KCNMA1: variants seen among roughly 807,000 people sequenced by gnomAD.
The protein encoded by KCNMA1 is potassium calcium-activated channel subfamily M alpha 1, also known as Calcium-activated potassium channel subunit alpha-1.
A neutral mutation model predicts 140.0 loss-of-function variants in KCNMA1; 29 were observed. That is an observed-to-expected ratio of 0.21 (90% CI 0.15 to 0.28). The LOEUF is 0.28. Ranked by LOEUF, KCNMA1 falls within the 10% of genes least tolerant of loss-of-function variation. The pLI is 1.00. For missense variants in KCNMA1, 880 were observed against 1,602.2 expected (o/e 0.55, Z 7.70); for synonymous variants, 612 against 611.9 (o/e 1.00, Z 0.00).
intron 5 of KCNMA1, among the ~76,000 whole-genome samples, chr10:77,156,187 C>T (rs963514460): frequency 6.9e-6 from 1 of 145,166 alleles, no homozygotes; most frequent in Non-Finnish European, 1.5e-5. Context: ...AAGATCACAC[C>T]ACTGCACTCC....
chr10:77,569,670 G>A (rs1324655336), intron 1 of KCNMA1, among the ~76,000 whole-genome samples: 1 of 152,174 alleles, frequency 6.6e-6, no homozygotes, highest in African/African-American at 2.4e-5. Context: ...CAGGACATAG[G>A]CATGGGCAAG....
At chr10:77,123,617 T>C (rs1596455893) in intron 5 of KCNMA1, among the ~76,000 whole-genome samples, 3 of 152,216 alleles carry the variant, frequency 2.0e-5, no homozygotes. Flanking sequence ...CTCTTCCATG[T>C]TCCTTGAGGG....
intron 24 of KCNMA1, chr10:76,914,650 C>T (rs1173499708): frequency 1.6e-5 from 6 of 386,160 alleles, no homozygotes; most frequent in Admixed American, 7.7e-5. Flanking sequence ...CTTTCCTCTC[C>T]ATTCCCAATT....
intron 2 of KCNMA1, among the ~76,000 whole-genome samples, chr10:77,360,914 C>A (rs1055945157): frequency 6.6e-6 from 1 of 152,096 alleles, no homozygotes; most frequent in Non-Finnish European, 1.5e-5. Context: ...GATGAGGGAG[C>A]CGCAATGATC....
Position 77,246,070 on chromosome 10 carries a change from C to A in KCNMA1, c.602+5125G>T, listed in dbSNP as rs893398258. 5.9e-5 allele frequency among the ~76,000 whole-genome samples: 9 copies of A among 152,130 alleles called. No homozygotes were observed. In the South Asian group the frequency reaches 1.5e-3, roughly 25 times the overall value. ...GGGTGAGAAATGGAGAAAGGGAGAA[C>A]AAAAGAGAAAACAAGACCAGTGCAT... On this transcript the variant is annotated intron_variant, in intron 3 of 27. Coordinates refer to ENST00000286628, the MANE Select transcript of KCNMA1 (RefSeq NM_001161352.2).
chr10:76,914,163 T>G, intron 24 of KCNMA1: 1 of 1,507,822 alleles, frequency 6.6e-7, no homozygotes, highest in Middle Eastern at 1.7e-4. Context: ...ATTTAAGGGT[T>G]GGGGAAAGGG....
intron 14 of KCNMA1, among the ~76,000 whole-genome samples, chr10:77,057,166 C>G (rs1207128924): frequency 6.6e-6 from 1 of 152,032 alleles, no homozygotes; most frequent in Non-Finnish European, 1.5e-5. Context: ...AAGAGAAAAT[C>G]TAGAAGGCAA....
At chr10:77,293,012 T>G (rs1482781548) in intron 2 of KCNMA1, among the ~76,000 whole-genome samples, 10 of 152,178 alleles carry the variant, frequency 6.6e-5, no homozygotes, top group African/African-American at 2.4e-4. Flanking sequence ...GCAATGGATC[T>G]ACCTTTGAAA....
rs536906107 is a variant in KCNMA1 at position 77,487,103 on chromosome 10, C to A, written c.379-83080G>T. 3.9e-4 allele frequency among the ~76,000 whole-genome samples: 59 copies of A among 152,264 alleles called. No individual in the cohort carries two copies. In the South Asian group the frequency reaches 0.012, roughly 32 times the overall value. The stretch of plus-strand genomic sequence containing the variant: ...TGATGGTAGGAACCAGGAAAGGTAC[C>A]GTCCTGCCTAACTTTCTCTCCATCC... On this transcript the variant is annotated intron_variant, in intron 1 of 27. Coordinates refer to ENST00000286628, the MANE Select transcript of KCNMA1 (RefSeq NM_001161352.2).
chr10:77,038,512 C>T (rs1432873692), intron 15 of KCNMA1, among the ~76,000 whole-genome samples: 1 of 152,044 alleles, frequency 6.6e-6, no homozygotes, highest in Non-Finnish European at 1.5e-5. Context: ...GCACAAAGAC[C>T]CCGTTCATCT....
chr10:76,964,433 G>C (rs905631140), intron 20 of KCNMA1, among the ~76,000 whole-genome samples: 4 of 152,096 alleles, frequency 2.6e-5, no homozygotes, highest in African/African-American at 9.7e-5. Flanking sequence ...ACACAAGAGG[G>C]CAAGGTCATG....
chr10:77,459,988 C>A (rs1342996093), intron 1 of KCNMA1, among the ~76,000 whole-genome samples: 2 of 152,208 alleles, frequency 1.3e-5, no homozygotes, highest in African/African-American at 4.8e-5. Flanking sequence ...AGCCAGATAG[C>A]AAATATTCTA....
intron 23 of KCNMA1, among the ~76,000 whole-genome samples, chr10:76,941,153 GGGAGGGAAGGGAA>G (rs1565064580): frequency 3.3e-5 from 3 of 89,694 alleles, no homozygotes; most frequent in African/African-American, 1.2e-4. Flanking sequence ...GGGAAGGGAA[GGGAGGGAAGGGAA>G]GGAAGGAAGG....
chr10:77,491,190 C>T lies in KCNMA1; in HGVS notation c.379-87167G>A, dbSNP rs928218182. Among the ~76,000 whole-genome samples the T allele has an allele frequency of 4.6e-5, 7 of 152,244 alleles. No individual in the cohort carries two copies. The East Asian group carries it at 1.4e-3, about 29-fold the overall frequency. ...GTTTTCTTAACTTGCTCTTAAGATC[C>T]CACATTTCCTTTTGTATTATTAGTG... On this transcript the variant is annotated intron_variant, in intron 1 of 27. Transcript: ENST00000286628.
rs145401499 is a variant in KCNMA1, at chr10:77,169,235, T to C, written c.808+14186A>G. On this transcript the variant is annotated intron_variant, in intron 5 of 27. Coordinates refer to ENST00000286628, the MANE Select transcript of KCNMA1 (RefSeq NM_001161352.2). ...CCATGGCGATGGAACATATCTGAGATTGGGTAGGAGTGGTTGGTAAGTAGG... is the reference window on the plus strand; with the variant it reads ...CCATGGCGATGGAACATATCTGAGACTGGGTAGGAGTGGTTGGTAAGTAGG... Among the ~76,000 whole-genome samples, 158 of 152,076 alleles carry C rather than the reference T, an allele frequency of 1.0e-3. 1 individual carries two copies. The highest frequency in any genetic ancestry group is 1.9e-3 in the Non-Finnish European group (131 of 67,992).
At chr10:77,074,867 T>C (rs778342563) in intron 13 of KCNMA1, among the ~76,000 whole-genome samples, 35 of 152,196 alleles carry the variant, frequency 2.3e-4, no homozygotes, top group Admixed American at 1.8e-3. Flanking sequence ...ATTATTTCTC[T>C]GCACATCTCA....
intron 2 of KCNMA1, among the ~76,000 whole-genome samples, chr10:77,277,373 G>C (rs1415060435): frequency 2.0e-5 from 3 of 152,144 alleles, no homozygotes; most frequent in Non-Finnish European, 4.4e-5. Flanking sequence ...CGATGGGTCT[G>C]GGCCAGGATT....
intron 12 of KCNMA1, among the ~76,000 whole-genome samples, chr10:77,080,239 C>G (rs1417926114): frequency 2.6e-5 from 4 of 152,204 alleles, no homozygotes; most frequent in African/African-American, 4.8e-5. Context: ...TAAGCTGCCC[C>G]TTAATCTGCA....
chr10:76,964,438 G>T (rs1048888142), intron 20 of KCNMA1, among the ~76,000 whole-genome samples: 9 of 152,218 alleles, frequency 5.9e-5, no homozygotes, highest in African/African-American at 2.2e-4. Context: ...AGAGGGCAAG[G>T]TCATGACCAT....
Sources: allele counts gnomAD v4.1 joint callset (sites outside exome capture counted in the v4.1 genomes callset), GRCh38; gene constraint gnomAD v4.1.1; transcripts MANE v1.5; gene names NCBI Gene and HGNC (gene_info 2026-07-23, HGNC 2026-07-21).